Variants in TFAP2B observed in about 807,000 individuals in gnomAD.
TFAP2B encodes the protein transcription factor AP-2 beta.
TFAP2B carries 9 observed loss-of-function variants against 44.3 expected under a neutral mutation model. The ratio of observed to expected loss-of-function variants is 0.20; its 90% CI spans 0.12 to 0.35. The LOEUF (loss-of-function observed/expected upper bound fraction) is 0.35. Among genes scored for constraint, TFAP2B ranks in the 10% least tolerant of loss-of-function variants. The probability of loss-of-function intolerance (pLI) is 1.00; values close to 1 mark genes in which losing one functional copy is unlikely to be tolerated. For missense variants in TFAP2B, 509 were observed against 600.0 expected (o/e 0.85, Z 1.59); for synonymous variants, 270 against 263.8 (o/e 1.02, Z -0.23).
In TFAP2B at chr6:50,845,963, C is replaced by A. The variant is rs1180881872; in HGVS notation, c.*2571C>A. The A allele has an allele frequency of 6.6e-6, 1 of 152,654 alleles. No individual in the cohort carries two copies. Among genetic ancestry groups the A allele is most frequent in the African/African-American group, 2.4e-5 (1 of 41,462 alleles). 9.5% of individuals were successfully genotyped at this position (152,654 alleles called of 1,614,324 possible). ...TGCAGGTGGGGAGGGCTCCCAGCGC[C>A]GCCAGCGGCCACCCGGGGCGCCGGC... is the stretch of plus-strand genomic sequence containing the variant. On this transcript the variant is annotated 3_prime_UTR_variant, in exon 7 of 7. Transcript: ENST00000393655.
At chr6:50,841,656 G>A (rs1217382452) in intron 6 of TFAP2B, among the ~76,000 whole-genome samples, 1 of 152,086 alleles carries the variant, frequency 6.6e-6, no homozygotes. Flanking sequence ...AGATATTTCT[G>A]TATGGGGCTA....
chr6:50,822,737 A>T (rs181555069), intron 1 of TFAP2B, among the ~76,000 whole-genome samples: 1 of 152,358 alleles, frequency 6.6e-6, no homozygotes, highest in East Asian at 1.9e-4. Flanking sequence ...TATGATTTCG[A>T]ATGAGATCCA....
At chr6:50,821,571 G>C in intron 1 of TFAP2B, among the ~76,000 whole-genome samples, 1 of 152,032 alleles carries the variant, frequency 6.6e-6, no homozygotes, top group East Asian at 1.9e-4. Flanking sequence ...TCGTGTCCCC[G>C]GCACAGTTAA....
intron 5 of TFAP2B, among the ~76,000 whole-genome samples, chr6:50,839,259 T>G (rs1762678798): frequency 6.6e-6 from 1 of 152,190 alleles, no homozygotes; most frequent in Admixed American, 6.5e-5. Context: ...AAAATTCCAA[T>G]ATTTGTTTGG....
Sources: gnomAD v4.1 joint callset for allele counts (sites outside exome capture counted in the v4.1 genomes callset) on GRCh38, gnomAD v4.1.1 for gene constraint, MANE v1.5 for transcripts, NCBI Gene and HGNC (gene_info 2026-07-23, HGNC 2026-07-21) for gene names.